The following TENM1 variants were observed in gnomAD, a reference collection of about 807,000 sequenced individuals.
The protein encoded by TENM1 is teneurin transmembrane protein 1.
In TENM1, 35 loss-of-function variants were observed where a neutral mutation model predicts 174.8. That is an observed-to-expected ratio of 0.20 (90% CI 0.15 to 0.27). TENM1 has a LOEUF of 0.27. Among genes scored for constraint, TENM1 ranks in the 10% least tolerant of loss-of-function variants. TENM1 has a pLI of 1.00. For missense variants in TENM1, 1,633 were observed against 2,130.1 expected, an observed-to-expected ratio of 0.77 and a Z score of 4.59; for synonymous variants, 781 against 798.7, an observed-to-expected ratio of 0.98 and a Z score of 0.37.
chrX:124,713,942 A>G (rs2053121229), intron 4 of TENM1, among the ~76,000 whole-genome samples: 1 of 112,377 alleles, frequency 8.9e-6, no homozygotes, highest in Non-Finnish European at 1.9e-5. Context: ...GTTGATTCAC[A>G]TTTCATGTCT....
At chrX:124,890,073 A>G (rs1232493358) in intron 3 of TENM1, among the ~76,000 whole-genome samples, 2 of 112,151 alleles carry the variant, frequency 1.8e-5, no homozygotes, top group Non-Finnish European at 3.8e-5. Context: ...TATCATTATC[A>G]TCAAGGCTAT....
chrX:124,705,024 G>A (rs200250677), exon 5 of TENM1: 25 of 1,201,894 alleles, frequency 2.1e-5, no homozygotes, highest in Middle Eastern at 2.3e-4. Flanking sequence ...AATCACATAG[G>A]CTAGTAACAA....
intron 12 of TENM1, 58 bp downstream of exon 15, chrX:124,565,317 G>T: frequency 1.0e-6 from 1 of 958,585 alleles, no homozygotes; most frequent in East Asian, 3.4e-5. Flanking sequence ...TGACTCACTA[G>T]ACTGCTCTTA....
At chrX:124,848,770 C>T (rs191239510) in intron 3 of TENM1, among the ~76,000 whole-genome samples, 62 of 110,783 alleles carry the variant, frequency 5.6e-4, no homozygotes, top group Non-Finnish European at 2.8e-4. Flanking sequence ...TCTATACTGT[C>T]ATAGATATTC....
the TENM1 span, among the ~76,000 whole-genome samples, chrX:125,017,456 C>T: frequency 8.9e-6 from 1 of 111,911 alleles, no homozygotes; most frequent in African/African-American, 3.2e-5. Flanking sequence ...TTGTGGAAGG[C>T]AGTATGGAGA....
the TENM1 span, among the ~76,000 whole-genome samples, chrX:125,162,740 A>G: frequency 9.0e-6 from 1 of 111,692 alleles, no homozygotes; most frequent in Non-Finnish European, 1.9e-5. Flanking sequence ...AGCTTCAATT[A>G]ACATCTAAAT....
At chrX:124,617,293 A>G (rs1049003258) in intron 11 of TENM1, among the ~76,000 whole-genome samples, 16 of 112,093 alleles carry the variant, frequency 1.4e-4, no homozygotes, top group Non-Finnish European at 2.4e-4. Flanking sequence ...GTCCCTCCCT[A>G]ACTTTCATAC....
chrX:124,606,803 ATTTC>A (rs1273741142), intron 11 of TENM1, among the ~76,000 whole-genome samples: 1 of 111,709 alleles, frequency 9.0e-6, no homozygotes, highest in Non-Finnish European at 1.9e-5. Flanking sequence ...TTGAGCTTTA[ATTTC>A]TTTGTTTATT....
At chrX:124,397,563 G>A (rs756716873) in intron 27 of TENM1, among the ~76,000 whole-genome samples, 8 of 111,688 alleles carry the variant, frequency 7.2e-5, no homozygotes, top group East Asian at 5.7e-4. Context: ...AAATAGCCAC[G>A]TCAGAGTTTG....
At chrX:124,748,357 G>T (rs139318560) in intron 3 of TENM1, among the ~76,000 whole-genome samples, 7,614 of 109,149 alleles carry the variant, frequency 0.07, 454 homozygotes, top group African/African-American at 0.19. Flanking sequence ...TATATATATA[G>T]AGAGAGAGAT....
At chrX:125,070,203 T>C in the TENM1 span, among the ~76,000 whole-genome samples, 992 of 109,328 alleles carry the variant, frequency 9.1e-3, 6 homozygotes, top group Non-Finnish European at 0.014. Flanking sequence ...ATAATAATAA[T>C]AATAATAATA....
the TENM1 span, among the ~76,000 whole-genome samples, chrX:125,068,953 A>C: frequency 8.9e-6 from 1 of 112,321 alleles, no homozygotes; most frequent in Non-Finnish European, 1.9e-5. Flanking sequence ...GCAGAGCTTT[A>C]AATACTACAA....
At chrX:125,039,254 C>G in the TENM1 span, among the ~76,000 whole-genome samples, 1 of 111,535 alleles carries the variant, frequency 9.0e-6, no homozygotes, top group Non-Finnish European at 1.9e-5. Flanking sequence ...AGGTTTTTGT[C>G]TTCCCGCAGG....
chrX:124,849,539 C>A (rs1272113668), intron 3 of TENM1, among the ~76,000 whole-genome samples: 1 of 101,778 alleles, frequency 9.8e-6, no homozygotes, highest in African/African-American at 4.5e-5. Flanking sequence ...TTGAGAGTGA[C>A]CCCTGGCTGA....
intron 1 of TENM1, among the ~76,000 whole-genome samples, chrX:124,943,901 A>C (rs2058365498): frequency 8.9e-6 from 1 of 112,131 alleles, no homozygotes; most frequent in Non-Finnish European, 1.9e-5. Context: ...CTCTACAATT[A>C]ATCAGTAAAA....
chrX:125,126,999 G>A, the TENM1 span, among the ~76,000 whole-genome samples: 6 of 111,093 alleles, frequency 5.4e-5, no homozygotes, highest in Admixed American at 3.8e-4. Flanking sequence ...CAACACTGCC[G>A]GAAGAAAGCC....
At chrX:124,556,246 T>A (rs1602656684) in intron 14 of TENM1, among the ~76,000 whole-genome samples, 1 of 105,192 alleles carries the variant, frequency 9.5e-6, no homozygotes, top group Middle Eastern at 4.4e-3. Flanking sequence ...GAGTTCGAGA[T>A]CAGCCTGTCC....
At chrX:125,164,111 G>C in the TENM1 span, among the ~76,000 whole-genome samples, 3 of 111,396 alleles carry the variant, frequency 2.7e-5, no homozygotes, top group Non-Finnish European at 5.7e-5. Context: ...CAATCAAACT[G>C]GTTGTTTTCA....
At chrX:124,452,273 CTCA>C (rs1351639033) in intron 23 of TENM1, among the ~76,000 whole-genome samples, 1 of 112,613 alleles carries the variant, frequency 8.9e-6, no homozygotes, top group Non-Finnish European at 1.9e-5. Flanking sequence ...TGAAAAAATG[CTCA>C]TCATCACTGG....
Sources: allele counts gnomAD v4.1 joint callset (sites outside exome capture counted in the v4.1 genomes callset), GRCh38; gene constraint gnomAD v4.1.1; transcripts MANE v1.5; gene names NCBI Gene and HGNC (gene_info 2026-07-23, HGNC 2026-07-21).